The following RNF121 variants were observed in gnomAD, a reference collection of about 807,000 sequenced individuals.
RNF121 encodes E3 ubiquitin ligase RNF121.
A neutral mutation model predicts 46.5 loss-of-function variants in RNF121; 21 were observed. The ratio of observed to expected loss-of-function variants is 0.45; its 90% CI spans 0.32 to 0.65. The LOEUF (loss-of-function observed/expected upper bound fraction) is 0.65. Ranked by LOEUF, RNF121 falls within the 30% of genes least tolerant of loss-of-function variation. The pLI is 0.04. For synonymous variants in RNF121, 139 were observed against 144.7 expected, an observed-to-expected ratio of 0.96 and a Z score of 0.28; for missense variants, 346 against 416.0, an observed-to-expected ratio of 0.83 and a Z score of 1.46.
intron 3 of RNF121, among the ~76,000 whole-genome samples, chr11:71,972,785 T>C (rs1481251742): frequency 6.6e-6 from 1 of 152,070 alleles, no homozygotes; most frequent in Non-Finnish European, 1.5e-5. Context: ...GCAACATGGA[T>C]ATTGCAAGCT....
In RNF121 at chr11:71,960,805, GA is replaced by G; in HGVS notation, c.160del (p.Met54TrpfsTer30). On this transcript the variant is annotated frameshift_variant, in exon 3 of 9. Coordinates refer to ENST00000361756, the MANE Select transcript of RNF121 (RefSeq NM_018320.5). LOFTEE classifies it high-confidence loss of function. ...KHRGHEAMHAEMVLILIATLV... is the reference protein window; with the variant it reads ...KHRGHEAMHAXMVLILIATLV... ...CCGTGGCCATGAAGCTATGCATGCT[GA>G]AATGGTCCTCATCCTCATCGCAACC... 1 of 1,614,180 alleles carries G rather than the reference GA, an allele frequency of 6.2e-7. No homozygotes were observed. The highest frequency in any genetic ancestry group is 2.2e-5 in the East Asian group (1 of 44,884).
Position 71,975,266 on chromosome 11 carries a change from A to G in RNF121, c.244-7495A>G, listed in dbSNP as rs185451814. On this transcript the variant is annotated intron_variant, in intron 3 of 8. Transcript: ENST00000361756. ...CTTTCTATGAGAAGGAAAAACTTCT[A>G]TCTTCAGAATATAACAAAAACTTGT... Among the ~76,000 whole-genome samples the G allele has an allele frequency of 6.9e-4, 105 of 152,360 alleles. 1 individual carries two copies. Among genetic ancestry groups the G allele is most frequent in the South Asian group, 2.3e-3 (11 of 4,828 alleles).
chr11:71,950,762 C>A (rs940040954), intron 1 of RNF121, among the ~76,000 whole-genome samples: 1 of 151,922 alleles, frequency 6.6e-6, no homozygotes, highest in African/African-American at 2.4e-5. Flanking sequence ...ACACCATTCC[C>A]CTGCCTCAGC....
intron 1 of RNF121, among the ~76,000 whole-genome samples, chr11:71,951,328 G>A (rs1179905308): frequency 6.6e-6 from 1 of 152,108 alleles, no homozygotes; most frequent in African/African-American, 2.4e-5. Flanking sequence ...GTAAAGACCT[G>A]TGCCAGATTA....
At chr11:71,978,090 G>A (rs1193514456) in intron 3 of RNF121, 2 of 315,570 alleles carry the variant, frequency 6.3e-6, no homozygotes, top group South Asian at 2.2e-5. Flanking sequence ...TTTAAGAGGT[G>A]GGGTTTCACC....
chr11:71,990,627 C>T lies in RNF121; in HGVS notation c.537C>T (p.Gly179=). Residue 179 remains glycine (G), a synonymous_variant, in exon 6 of 9, where the codon GGC becomes GGT. Transcript: ENST00000361756. ...AACCAGAAGATGCCATGGACTTTGG[C>T]ATCTCCCTTCTCTTCTATGGCCTCT... The part of the protein sequence containing the change: ...KIKPEDAMDF[G]ISLLFYGLYY... The T allele has an allele frequency of 3.7e-6, 6 of 1,614,146 alleles. No homozygotes were observed. Among genetic ancestry groups the T allele is most frequent in the Admixed American group, 1.7e-5 (1 of 60,016 alleles).
intron 3 of RNF121, among the ~76,000 whole-genome samples, chr11:71,976,082 T>C (rs1475243102): frequency 6.6e-6 from 1 of 152,174 alleles, no homozygotes; most frequent in Non-Finnish European, 1.5e-5. Context: ...GGATGACTCT[T>C]CAGATATCAT....
chr11:71,936,292 A>G (rs926047431), intron 1 of RNF121, among the ~76,000 whole-genome samples: 10 of 152,224 alleles, frequency 6.6e-5, no homozygotes, highest in African/African-American at 2.4e-4. Context: ...TTTGGAATTC[A>G]GTCAAAACCT....
intron 1 of RNF121, among the ~76,000 whole-genome samples, chr11:71,955,371 G>A (rs1953969007): frequency 6.6e-6 from 1 of 152,136 alleles, no homozygotes; most frequent in Non-Finnish European, 1.5e-5. Context: ...GATTCAGTGG[G>A]TCTGGAGTGG....
At chr11:71,986,585 G>A (rs1590812314) in intron 4 of RNF121, among the ~76,000 whole-genome samples, 1 of 151,894 alleles carries the variant, frequency 6.6e-6, no homozygotes, top group East Asian at 1.9e-4. Flanking sequence ...GGCCAATATG[G>A]TGAAACCCCG....
At chr11:71,933,625 A>G (rs548609528) in intron 1 of RNF121, among the ~76,000 whole-genome samples, 3 of 152,296 alleles carry the variant, frequency 2.0e-5, no homozygotes, top group Admixed American at 6.5e-5. Context: ...TAGTCCACTG[A>G]TTGGGTGACC....
intron 6 of RNF121, among the ~76,000 whole-genome samples, chr11:71,992,120 C>G (rs1954875912): frequency 6.6e-6 from 1 of 152,140 alleles, no homozygotes; most frequent in Non-Finnish European, 1.5e-5. Flanking sequence ...AGTAAAAATT[C>G]ACAAAATGTA....
intron 6 of RNF121, among the ~76,000 whole-genome samples, chr11:71,991,478 A>G (rs749645354): frequency 6.6e-6 from 1 of 152,196 alleles, no homozygotes; most frequent in Non-Finnish European, 1.5e-5. Flanking sequence ...ACAGTAACAA[A>G]CACAGATAAA....
At chr11:71,962,376 G>T in intron 3 of RNF121, 1 of 782,848 alleles carries the variant, frequency 1.3e-6, no homozygotes, top group Non-Finnish European at 1.5e-6. Context: ...TTATCTTAAG[G>T]AAAAACTCAA....
chr11:71,973,496 C>CA (rs2134193783), intron 3 of RNF121, among the ~76,000 whole-genome samples: 1 of 150,302 alleles, frequency 6.7e-6, no homozygotes, highest in East Asian at 2.0e-4. Context: ...GTCTCAAAAA[C>CA]AAAAAACAGG....
chr11:71,973,436 G>A (rs1311478342), intron 3 of RNF121, among the ~76,000 whole-genome samples: 6 of 151,664 alleles, frequency 4.0e-5, no homozygotes, highest in Non-Finnish European at 7.4e-5. Context: ...GGCTGCAGTG[G>A]GCTGTGATTG....
chr11:71,973,275 T>C (rs1954459405), intron 3 of RNF121, among the ~76,000 whole-genome samples: 1 of 151,266 alleles, frequency 6.6e-6, no homozygotes, highest in East Asian at 1.9e-4. Context: ...GAAGGATAGC[T>C]TGAGCCCAGG....
chr11:71,932,055 C>G (rs1248466655), intron 1 of RNF121, among the ~76,000 whole-genome samples: 2 of 152,156 alleles, frequency 1.3e-5, no homozygotes, highest in African/African-American at 4.8e-5. Flanking sequence ...CATTCATATT[C>G]CTTTTCTCTT....
chr11:71,964,441 A>AGAGG (rs377489893), intron 3 of RNF121, among the ~76,000 whole-genome samples: 1 of 272 alleles, frequency 3.7e-3, no homozygotes, highest in African/African-American at 0.023. Flanking sequence ...ATCTGAGAGT[A>AGAGG]GAGTTTCACT....
Sources: gnomAD v4.1 joint callset for allele counts (sites outside exome capture counted in the v4.1 genomes callset) on GRCh38, gnomAD v4.1.1 for gene constraint, MANE v1.5 for transcripts, NCBI Gene and HGNC (gene_info 2026-07-23, HGNC 2026-07-21) for gene names.